Variants in DVL2 observed in about 807,000 individuals in gnomAD.
DVL2 encodes segment polarity protein dishevelled homolog DVL-2.
Under a neutral mutation model 69.8 loss-of-function variants are expected in DVL2, and 38 were observed. That is an observed-to-expected ratio of 0.54 (90% CI 0.42 to 0.71). The LOEUF (loss-of-function observed/expected upper bound fraction) is 0.71. DVL2 is among the 30% of genes least tolerant of loss of function. The pLI, the probability that DVL2 is intolerant of heterozygous loss-of-function variation, is 0.00. For missense variants in DVL2, 931 were observed against 1,008.1 expected, an observed-to-expected ratio of 0.92 and a Z score of 1.04; for synonymous variants, 428 against 392.4, an observed-to-expected ratio of 1.09 and a Z score of -1.07.
Position 7,229,498 on chromosome 17 carries a change from C to G in DVL2, c.748-51G>C. Reference sequence around the variant, plus strand: ...GCCCTTCAATAACCCAGGGTCAACCCTGGGGTGCTGCCGGTGTCCTGGCAC... The same window carrying G: ...GCCCTTCAATAACCCAGGGTCAACCGTGGGGTGCTGCCGGTGTCCTGGCAC... On this transcript the variant is annotated intron_variant, in intron 6 of 14. Coordinates refer to ENST00000005340, the MANE Select transcript of DVL2 (RefSeq NM_004422.3). This position sits in a 1 kb window ranked among gnomAD's most constrained non-coding sequence, Gnocchi z 4.4. 2.5e-6 allele frequency: 4 copies of G among 1,613,442 alleles called. No homozygotes were observed. The highest frequency in any genetic ancestry group is 3.4e-6 in the Non-Finnish European group (4 of 1,179,402).
chr17:7,225,799 C>G lies in DVL2; in HGVS notation c.*66G>C. The G allele has an allele frequency of 7.1e-7, 1 of 1,402,920 alleles. No homozygotes were observed. The highest frequency in any genetic ancestry group is 1.2e-5 in the South Asian group (1 of 86,424). The allele number at this position is 1,402,920 out of a possible 1,614,324, so 86.9% of individuals were successfully genotyped here. On this transcript the variant is annotated 3_prime_UTR_variant, in exon 15 of 15. Coordinates refer to ENST00000005340, the MANE Select transcript of DVL2 (RefSeq NM_004422.3). Reference sequence around the variant, plus strand: ...TGAGCCCAGGCACTGTAAGAGCAAGCACATGACGGCCAGGACACCCAGTCA... The same window carrying G: ...TGAGCCCAGGCACTGTAAGAGCAAGGACATGACGGCCAGGACACCCAGTCA...
rs781121098 is a variant in DVL2, at chr17:7,226,262, C to G, written c.1814G>C (p.Gly605Ala). 7 of 1,604,270 alleles carry G rather than the reference C, an allele frequency of 4.4e-6. No homozygotes were observed. The East Asian group carries it at 1.6e-4, about 36-fold the overall frequency. Reference protein sequence around the residue: ...TRSDGGAGRTGRPEERAPESK... With the variant: ...TRSDGGAGRTARPEERAPESK... Reference sequence around the variant, plus strand: ...CTCGGGGGCCCGCTCCTCGGGCCTCCCCGTGCGCCCTGCCCCCCCATCACT... The same window carrying G: ...CTCGGGGGCCCGCTCCTCGGGCCTCGCCGTGCGCCCTGCCCCCCCATCACT... The change falls in exon 15 of 15, where the codon GGG becomes GCG. Residue 605 changes from glycine (G) to alanine (A), a missense_variant. By Grantham distance (60) the Gly-to-Ala change is moderately conservative (BLOSUM62 0). This residue lies in a region of DVL2 where 314 missense variants were observed against 313.7 expected (regional missense o/e 1.00). Coordinates refer to ENST00000005340, the MANE Select transcript of DVL2 (RefSeq NM_004422.3).
intron 10 of DVL2, 75 bp downstream of exon 10, chr17:7,227,902 T>C (rs983009869): frequency 1.9e-6 from 3 of 1,566,772 alleles, no homozygotes; most frequent in Admixed American, 1.8e-5. Context: ...CCATTCCCCA[T>C]GACCACAGGC....
chr17:7,228,013 C>G lies in DVL2; in HGVS notation c.1066G>C (p.Asp356His). The G allele has an allele frequency of 6.4e-7, 1 of 1,555,420 alleles. No homozygotes were observed. Among genetic ancestry groups the G allele is most frequent in the Non-Finnish European group, 8.7e-7 (1 of 1,152,300 alleles). The change falls in exon 10 of 15, where the codon GAT becomes CAT. Residue 356 changes from aspartate to histidine, a missense_variant. Asp to His is a moderately conservative substitution (Grantham distance 81). This residue lies in a region of DVL2 where 555 missense variants were observed against 588.8 expected (regional missense o/e 0.94). Transcript: ENST00000005340. Reference sequence around the variant, plus strand: ...GTGAAATAGGCCTGAGGAGAGGGATCCCAGCACTTGGCCACAGTCAGCACA... The same window carrying G: ...GTGAAATAGGCCTGAGGAGAGGGATGCCAGCACTTGGCCACAGTCAGCACA... ...PIVLTVAKCW[D>H]PSPQAYFTLP...
In DVL2 at chr17:7,227,237, C is replaced by T. The variant is rs1237719627; in HGVS notation, c.1396G>A (p.Val466Met). The T allele has an allele frequency of 3.1e-6, 5 of 1,613,066 alleles. No individual in the cohort carries two copies. Among genetic ancestry groups the T allele is most frequent in the South Asian group, 1.1e-5 (1 of 90,924 alleles). Residue 466 changes from valine to methionine, a missense_variant, in exon 13 of 15, where the codon GTG becomes ATG. Physicochemically the swap from Val to Met is conservative, Grantham distance 21. Transcript: ENST00000005340. ...SDVVDWLYHH[V>M]EGFPERREAR... ...TCCCGCCGCTCAGGAAAGCCCTCCA[C>T]GTGATGGTAGAGCCAGTCAACCACA...
At position 7,227,800 on chromosome 17, in the gene DVL2, A is replaced by G; in HGVS notation, c.1103-17T>C. On this transcript the variant is annotated splice_polypyrimidine_tract_variant and intron_variant, in intron 10 of 14. Transcript: ENST00000005340. ...TGGGCTCATCTGGGACAAAGATGGC[A>G]CCAAAATGACCCATTCTCAGTCCCC... 6.4e-7 allele frequency: 1 copy of G among 1,560,888 alleles called. No individual in the cohort carries two copies. Among genetic ancestry groups the G allele is most frequent in the Non-Finnish European group, 8.7e-7 (1 of 1,152,170 alleles).
At chr17:7,227,369 C>T (rs766751716) in intron 12 of DVL2, 35 bp downstream of exon 12, 2 of 1,607,908 alleles carry the variant, frequency 1.2e-6, no homozygotes, top group Non-Finnish European at 1.7e-6. Context: ...CACCTCCTCC[C>T]CTTCTCCAGC....
chr17:7,229,846 G>C lies in DVL2; in HGVS notation c.618C>G (p.Thr206=), dbSNP rs1182946174. The part of the protein sequence containing the change: ...STLMTSELES[T]SLGDSDEEDT... The stretch of plus-strand genomic sequence containing the variant: ...CCTCCTCGTCCGAGTCCCCCAGGCT[G>C]GTACTCTCCAGCTCGCTGGTCATGA... The change falls in exon 5 of 15, where the codon ACC becomes ACG. Residue 206 remains threonine, a synonymous_variant. Coordinates refer to ENST00000005340, the MANE Select transcript of DVL2 (RefSeq NM_004422.3). The surrounding 1 kb of genome is among the most constrained non-coding windows in gnomAD (Gnocchi z 4.4). The C allele has an allele frequency of 1.2e-6, 2 of 1,612,324 alleles. No homozygotes were observed. Among genetic ancestry groups the C allele is most frequent in the East Asian group, 4.5e-5 (2 of 44,884 alleles).
In DVL2 at chr17:7,226,411, G is replaced by C. The variant is rs2071449143; in HGVS notation, c.1762+10C>G. 1 of 1,530,194 alleles carries C rather than the reference G, an allele frequency of 6.5e-7. No homozygotes were observed. Among genetic ancestry groups the C allele is most frequent in the Non-Finnish European group, 8.8e-7 (1 of 1,139,742 alleles). 94.8% of individuals were successfully genotyped at this position (1,530,194 alleles called of 1,614,324 possible). ...GATCCTGGCCGTACAGGTATGTGGGGATGACTTACCCTCACTATGCTGGCT... is the reference window on the plus strand; with the variant it reads ...GATCCTGGCCGTACAGGTATGTGGGCATGACTTACCCTCACTATGCTGGCT... On this transcript the variant is annotated intron_variant, in intron 14 of 14. Coordinates refer to ENST00000005340, the MANE Select transcript of DVL2 (RefSeq NM_004422.3).
Position 7,225,625 on chromosome 17 carries a change from T to C in DVL2, c.*240A>G. The C allele has an allele frequency of 5.4e-6, 3 of 551,302 alleles. No individual in the cohort carries two copies. The highest frequency in any genetic ancestry group is 1.9e-5 in the African/African-American group (1 of 52,084). 34.2% of individuals were successfully genotyped at this position (551,302 alleles called of 1,614,324 possible). On this transcript the variant is annotated 3_prime_UTR_variant, in exon 15 of 15. Coordinates refer to ENST00000005340, the MANE Select transcript of DVL2 (RefSeq NM_004422.3). ...AAAGTCCCAAAAATGTAAGAAACTC[T>C]ATTTTAACCCCCAAAAAGGCTTATA...
chr17:7,227,394 C>G lies in DVL2; in HGVS notation c.1363+10G>C. ...CCTTCTCCAGCCACCTGCCCAGGAC[C>G]CAGCCATACCCAGAAAGGCATTAGG... On this transcript the variant is annotated intron_variant, in intron 12 of 14. Coordinates refer to ENST00000005340, the MANE Select transcript of DVL2 (RefSeq NM_004422.3). 6.2e-7 allele frequency: 1 copy of G among 1,612,986 alleles called. No individual in the cohort carries two copies. Among genetic ancestry groups the G allele is most frequent in the South Asian group, 1.1e-5 (1 of 91,066 alleles).
chr17:7,233,850 C>G (rs1180894128), intron 1 of DVL2: 4 of 612,698 alleles, frequency 6.5e-6, no homozygotes, highest in Non-Finnish European at 1.2e-5. Context: ...CTAATCTTGT[C>G]TAATCTGGTT....
intron 9 of DVL2, chr17:7,228,271 A>C (rs2071489036): frequency 2.3e-6 from 1 of 429,116 alleles, no homozygotes; most frequent in African/African-American, 2.0e-5. Context: ...TACACGCTGT[A>C]CAGTTCCATT....
Position 7,226,597 on chromosome 17 carries a change from C to G in DVL2, c.1586G>C (p.Gly529Ala). The G allele has an allele frequency of 1.3e-6, 2 of 1,592,240 alleles. No individual in the cohort carries two copies. Among genetic ancestry groups the G allele is most frequent in the Non-Finnish European group, 1.7e-6 (2 of 1,171,432 alleles). ...LSLNDNDGSS[G>A]ASDQDTLAPL... ...AGCCAGGGTATCCTGGTCTGAAGCC[C>G]CACTGGAGCCATCGTTGTCATTGAG... The change falls in exon 14 of 15, where the codon GGG becomes GCG. Residue 529 changes from glycine (G) to alanine (A), a missense_variant. By Grantham distance (60) the Gly-to-Ala change is moderately conservative. Transcript: ENST00000005340.
At position 7,230,151 on chromosome 17, in the gene DVL2, T is replaced by G; in HGVS notation, c.415A>C (p.Asn139His). Residue 139 changes from asparagine to histidine, a missense_variant, in exon 4 of 15, where the codon AAT becomes CAT. By Grantham distance (68) the Asn-to-His change is moderately conservative. This residue lies in a region of DVL2 where 555 missense variants were observed against 588.8 expected (regional missense o/e 0.94). Coordinates refer to ENST00000005340, the MANE Select transcript of DVL2 (RefSeq NM_004422.3). The part of the protein sequence containing the change: ...GDSRPPSFHP[N>H]VSSSHENLEP... ...AGATTCTCATGGCTGCTGGACACAT[T>G]AGGGCTGGACAGGCAGAGATGGTTT... 2 of 1,613,998 alleles carry G rather than the reference T, an allele frequency of 1.2e-6. No homozygotes were observed. The highest frequency in any genetic ancestry group is 8.5e-7 in the Non-Finnish European group (1 of 1,179,936).
At chr17:7,227,943 C>T in intron 10 of DVL2, 34 bp downstream of exon 10, 1 of 1,576,840 alleles carries the variant, frequency 6.3e-7, no homozygotes, top group Non-Finnish European at 8.6e-7. Flanking sequence ...AGCCCCCACC[C>T]CCAACTTCAG....
chr17:7,234,460 G>C lies in DVL2; in HGVS notation c.-198C>G. 1 of 617,912 alleles carries C rather than the reference G, an allele frequency of 1.6e-6. No individual in the cohort carries two copies. Among genetic ancestry groups the C allele is most frequent in the South Asian group, 2.3e-5 (1 of 42,730 alleles). 38.3% of individuals were successfully genotyped at this position (617,912 alleles called of 1,614,324 possible). A position where few individuals can be genotyped will look rare whatever the true frequency, so the allele number is the denominator to read the frequency against. ...CCGCGGGGTGCGACTCAAAGCCCCGGTCTCAGCGGCCGCCGCGCGCCACCG... is the reference window on the plus strand; with the variant it reads ...CCGCGGGGTGCGACTCAAAGCCCCGCTCTCAGCGGCCGCCGCGCGCCACCG... On this transcript the variant is annotated 5_prime_UTR_variant, in exon 1 of 15. Transcript: ENST00000005340.
At position 7,230,057 on chromosome 17, in the gene DVL2, C is replaced by T; in HGVS notation, c.509G>A (p.Ser170Asn). 1 of 1,614,052 alleles carries T rather than the reference C, an allele frequency of 6.2e-7. No homozygotes were observed. The highest frequency in any genetic ancestry group is 8.5e-7 in the Non-Finnish European group (1 of 1,180,030). ...GGCCTGCCCCTCACCGCCATGCTCACTGCTGTCTCTCCTGCGAGGCCGCTC... is the reference window on the plus strand; with the variant it reads ...GGCCTGCCCCTCACCGCCATGCTCATTGCTGTCTCTCCTGCGAGGCCGCTC... ...RRERPRRRDS[S>N]EHGAGGHRTG... The change falls in exon 4 of 15, where the codon AGT (serine) becomes AAT (asparagine). Residue 170 changes from serine (S) to asparagine (N), a missense_variant. Coordinates refer to ENST00000005340, the MANE Select transcript of DVL2 (RefSeq NM_004422.3).
intron 1 of DVL2, among the ~76,000 whole-genome samples, chr17:7,231,731 T>G (rs939511682): frequency 6.6e-6 from 1 of 151,740 alleles, no homozygotes; most frequent in African/African-American, 2.4e-5. Context: ...GGCATGGTGG[T>G]GCACACCTAT....
Sources: allele counts gnomAD v4.1 joint callset (sites outside exome capture counted in the v4.1 genomes callset), GRCh38; gene constraint gnomAD v4.1.1; regional missense constraint gnomAD v4.1.1; non-coding constraint Gnocchi (gnomAD v3.1); transcripts MANE v1.5; gene names NCBI Gene and HGNC (gene_info 2026-07-23, HGNC 2026-07-21).